Variants in FRMD4B observed in about 807,000 individuals in gnomAD.
FRMD4B encodes FERM domain-containing protein 4B.
In FRMD4B, 74 loss-of-function variants were observed where a neutral mutation model predicts 141.5. That is an observed-to-expected ratio of 0.52 (90% CI 0.43 to 0.63). The LOEUF is 0.63. FRMD4B is among the 30% of genes least tolerant of loss of function. The pLI is 0.00. For synonymous variants in FRMD4B, 506 were observed against 467.9 expected, an observed-to-expected ratio of 1.08 and a Z score of -1.05; for missense variants, 1,366 against 1,253.4, an observed-to-expected ratio of 1.09 and a Z score of -1.36.
chr3:69,337,522 C>A (rs962126932), intron 1 of FRMD4B, among the ~76,000 whole-genome samples: 1 of 152,118 alleles, frequency 6.6e-6, no homozygotes, highest in African/African-American at 2.4e-5. Flanking sequence ...AACAGGCAAC[C>A]TACAGAATGG....
intron 1 of FRMD4B, among the ~76,000 whole-genome samples, chr3:69,455,167 T>TCTGTAAAACGGACCAATCAGCTCC (rs1705573486): frequency 6.6e-6 from 1 of 152,172 alleles, no homozygotes; most frequent in Non-Finnish European, 1.5e-5. Flanking sequence ...CAATCAGCTC[T>TCTGTAAAACGGACCAATCAGCTCC]CTGTAAAATG....
In FRMD4B at chr3:69,228,755, G is replaced by A. The variant is rs368324831; in HGVS notation, c.582-4065C>T. Among the ~76,000 whole-genome samples the A allele has an allele frequency of 1.3e-4, 20 of 151,784 alleles. No individual in the cohort carries two copies. In the South Asian group the frequency reaches 3.1e-3, roughly 24 times the overall value. ...TGGGAGGCTGAAGTGGACCACTGGAGTCCAGGAGTTCAAGGCTCTAGTGAG... is the reference window on the plus strand; with the variant it reads ...TGGGAGGCTGAAGTGGACCACTGGAATCCAGGAGTTCAAGGCTCTAGTGAG... On this transcript the variant is annotated intron_variant, in intron 7 of 22. Transcript: ENST00000398540.
At chr3:69,456,049 G>T (rs551999024) in intron 1 of FRMD4B, among the ~76,000 whole-genome samples, 1 of 152,278 alleles carries the variant, frequency 6.6e-6, no homozygotes, top group African/African-American at 2.4e-5. Flanking sequence ...CGTGGTGAAG[G>T]CAGTTAATAA....
At chr3:69,332,475 A>T (rs1326767464) in intron 1 of FRMD4B, among the ~76,000 whole-genome samples, 1 of 152,218 alleles carries the variant, frequency 6.6e-6, no homozygotes, top group Admixed American at 6.5e-5. Context: ...AGGATGGCCA[A>T]GATCAGGTAT....
At chr3:69,379,222 T>C (rs1001709877) in intron 1 of FRMD4B, among the ~76,000 whole-genome samples, 21 of 152,186 alleles carry the variant, frequency 1.4e-4, no homozygotes, top group Admixed American at 1.4e-3. Context: ...GAGAAGGACC[T>C]AGTAAAGGTA....
intron 1 of FRMD4B, among the ~76,000 whole-genome samples, chr3:69,459,648 G>C (rs1705679338): frequency 6.6e-6 from 1 of 152,162 alleles, no homozygotes; most frequent in South Asian, 2.1e-4. Context: ...ATGTGACCTT[G>C]GGCAAAACAA....
Position 69,489,672 on chromosome 3 carries a change from T to C in FRMD4B, c.-129+52534A>G, listed in dbSNP as rs75707962. 3.0e-3 allele frequency among the ~76,000 whole-genome samples: 453 copies of C among 152,310 alleles called. 2 individuals are homozygous for C. Among genetic ancestry groups the C allele is most frequent in the African/African-American group, 9.6e-3 (400 of 41,572 alleles). On this transcript the variant is annotated intron_variant, in intron 1 of 5. Coordinates refer to the FRMD4B transcript ENST00000459638. ...ATGGTGCAGCCACTTTGGAAAAGTC[T>C]AGCAGTTCCTCAAAAAATAAACATA...
chr3:69,268,579 A>G (rs2093579236), intron 5 of FRMD4B, among the ~76,000 whole-genome samples: 1 of 152,044 alleles, frequency 6.6e-6, no homozygotes, highest in South Asian at 2.1e-4. Flanking sequence ...TTCTGATGCA[A>G]AACTATTTTT....
Position 69,187,764 on chromosome 3 carries a change from T to C in FRMD4B, c.1919+6A>G. On this transcript the variant is annotated splice_donor_region_variant and intron_variant, in intron 19 of 22. Transcript: ENST00000398540. The stretch of plus-strand genomic sequence containing the variant: ...CATTAACCTTACTGATGATATGACC[T>C]CTCACCTGGACTGCCTGGTATCCAC... 2 of 1,607,424 alleles carry C rather than the reference T, an allele frequency of 1.2e-6. No individual in the cohort carries two copies. The highest frequency in any genetic ancestry group is 2.2e-5 in the South Asian group (2 of 89,670).
intron 1 of FRMD4B, among the ~76,000 whole-genome samples, chr3:69,540,658 TATAC>T (rs1302400983): frequency 1.8e-4 from 14 of 76,894 alleles, no homozygotes; most frequent in African/African-American, 5.7e-4. Flanking sequence ...TATATATATA[TATAC>T]ACACACACAC....
At chr3:69,365,182 A>AG (rs1357238143) in intron 1 of FRMD4B, among the ~76,000 whole-genome samples, 1 of 152,218 alleles carries the variant, frequency 6.6e-6, no homozygotes, top group Non-Finnish European at 1.5e-5. Context: ...TATCACTCTG[A>AG]GATGACAAAT....
At chr3:69,457,101 T>C (rs1209896418) in intron 1 of FRMD4B, among the ~76,000 whole-genome samples, 1 of 151,968 alleles carries the variant, frequency 6.6e-6, no homozygotes, top group Non-Finnish European at 1.5e-5. Flanking sequence ...CCAGAAAAAG[T>C]TAAAGTTATT....
At chr3:69,200,246 G>C (rs568982031) in intron 11 of FRMD4B, 11 of 187,874 alleles carry the variant, frequency 5.9e-5, no homozygotes, top group South Asian at 5.5e-4. Flanking sequence ...CCCCAATTCC[G>C]AACAGTGAAA....
At chr3:69,406,622 G>A (rs1024013884) in intron 2 of FRMD4B, among the ~76,000 whole-genome samples, 1 of 152,176 alleles carries the variant, frequency 6.6e-6, no homozygotes, top group African/African-American at 2.4e-5. Flanking sequence ...AAAGGAAGCC[G>A]GTTCAGTCAG....
At chr3:69,200,669 A>C (rs78561961) in intron 11 of FRMD4B, 1 of 1,250,250 alleles carries the variant, frequency 8.0e-7, no homozygotes, top group South Asian at 1.3e-5. Flanking sequence ...TCAGTGGCAG[A>C]TTTTCCCAGA....
intron 1 of FRMD4B, among the ~76,000 whole-genome samples, chr3:69,325,764 T>C (rs1187884300): frequency 6.6e-6 from 1 of 152,172 alleles, no homozygotes; most frequent in Non-Finnish European, 1.5e-5. Context: ...TAATACACCA[T>C]TTATTGAGTA....
At chr3:69,415,032 ATGT>A (rs1340999139) in intron 2 of FRMD4B, among the ~76,000 whole-genome samples, 1 of 151,652 alleles carries the variant, frequency 6.6e-6, no homozygotes, top group Non-Finnish European at 1.5e-5. Flanking sequence ...CACCTGGCTA[ATGT>A]TTGTATTTTT....
chr3:69,207,306 T>TAAAA (rs1559716983), intron 11 of FRMD4B, among the ~76,000 whole-genome samples: 1 of 33,918 alleles, frequency 2.9e-5, no homozygotes, highest in African/African-American at 6.0e-5. Context: ...ACCTATGTCT[T>TAAAA]TAAAAAAAAA....
chr3:69,330,805 C>A (rs1039597275), intron 1 of FRMD4B, among the ~76,000 whole-genome samples: 1 of 152,120 alleles, frequency 6.6e-6, no homozygotes, highest in Non-Finnish European at 1.5e-5. Context: ...CCTCTTTTGC[C>A]GCTGAATTGC....
Sources: gnomAD v4.1 joint callset for allele counts (sites outside exome capture counted in the v4.1 genomes callset) on GRCh38, gnomAD v4.1.1 for gene constraint, MANE v1.5 for transcripts, NCBI Gene and HGNC (gene_info 2026-07-23, HGNC 2026-07-21) for gene names.